Variants in XXYLT1 observed in about 807,000 individuals in gnomAD.
XXYLT1 encodes UDP-xylose:alpha-xyloside alpha-1,3-xylosyltransferase.
In XXYLT1, 20 loss-of-function variants were observed where a neutral mutation model predicts 28.9. The observed-to-expected ratio is 0.69, with a 90% confidence interval of 0.49 to 1.00. The LOEUF (loss-of-function observed/expected upper bound fraction) is 1.00. Among genes scored for constraint, XXYLT1 ranks in the 50% least tolerant of loss-of-function variants. XXYLT1 has a pLI of 0.00. For missense variants in XXYLT1, 542 were observed against 560.1 expected (o/e 0.97, Z 0.33); for synonymous variants, 257 against 253.8 (o/e 1.01, Z -0.12).
intron 3 of XXYLT1, among the ~76,000 whole-genome samples, chr3:195,082,718 G>A (rs1370557766): frequency 3.3e-5 from 5 of 151,958 alleles, no homozygotes; most frequent in African/African-American, 4.8e-5. Context: ...GTGTGGTGGC[G>A]CGTGCCTATA....
At chr3:195,097,351 C>T (rs975800969) in intron 3 of XXYLT1, among the ~76,000 whole-genome samples, 11 of 152,028 alleles carry the variant, frequency 7.2e-5, no homozygotes, top group Non-Finnish European at 8.8e-5. Flanking sequence ...AACTTTGTGA[C>T]GCGGGTTACA....
Position 195,076,440 on chromosome 3 carries a change from C to G in XXYLT1, c.786-6329G>C, listed in dbSNP as rs558560714. 6.6e-6 allele frequency among the ~76,000 whole-genome samples: 1 copy of G among 151,942 alleles called. No homozygotes were observed. Among genetic ancestry groups the G allele is most frequent in the Non-Finnish European group, 1.5e-5 (1 of 67,990 alleles). ...GGCCTTCGGTGGGAGGAGGGACAGTCGTGACAGGGCACTGGGGTGGCTACT... is the reference window on the plus strand; with the variant it reads ...GGCCTTCGGTGGGAGGAGGGACAGTGGTGACAGGGCACTGGGGTGGCTACT... On this transcript the variant is annotated intron_variant, in intron 3 of 3. Coordinates refer to ENST00000310380, the MANE Select transcript of XXYLT1 (RefSeq NM_152531.5). This position sits in a 1 kb window ranked among gnomAD's most constrained non-coding sequence, Gnocchi z 5.3.
intron 3 of XXYLT1, among the ~76,000 whole-genome samples, chr3:195,099,731 T>C (rs1450560976): frequency 6.7e-6 from 1 of 149,894 alleles, no homozygotes; most frequent in African/African-American, 2.5e-5. Flanking sequence ...CTGGGGAGGC[T>C]GAGGCTGCAG....
intron 3 of XXYLT1, among the ~76,000 whole-genome samples, chr3:195,123,630 G>C (rs1212640441): frequency 2.0e-5 from 3 of 152,144 alleles, no homozygotes; most frequent in African/African-American, 7.2e-5. Context: ...AGATGCTTTC[G>C]CCAGCTGATG....
intron 3 of XXYLT1, among the ~76,000 whole-genome samples, chr3:195,110,095 CGT>C (rs1418560297): frequency 3.9e-5 from 1 of 25,572 alleles, no homozygotes; most frequent in African/African-American, 1.1e-4. Flanking sequence ...TATGAGTGTG[CGT>C]GTGTGGTGTA....
Position 195,256,666 on chromosome 3 carries a change from C to G in XXYLT1, c.504+13889G>C. Reference sequence around the variant, plus strand: ...GCCTGGAAGAGAACAGACTGTTACTCAGAGCCGGAGCGTCCCCACTCCTCT... The same window carrying G: ...GCCTGGAAGAGAACAGACTGTTACTGAGAGCCGGAGCGTCCCCACTCCTCT... On this transcript the variant is annotated intron_variant, in intron 1 of 3. Coordinates refer to ENST00000310380, the MANE Select transcript of XXYLT1 (RefSeq NM_152531.5). This position sits in a 1 kb window ranked among gnomAD's most constrained non-coding sequence, Gnocchi z 4.2. The G allele has an allele frequency of 2.4e-6, 2 of 822,522 alleles. No homozygotes were observed. The highest frequency in any genetic ancestry group is 2.9e-6 in the Non-Finnish European group (2 of 681,076). The allele number at this position is 822,522 out of a possible 1,614,324, so 51.0% of individuals were successfully genotyped here. A position where few individuals can be genotyped will look rare whatever the true frequency, so the allele number is the denominator to read the frequency against.
intron 3 of XXYLT1, among the ~76,000 whole-genome samples, chr3:195,120,370 C>T (rs1718295741): frequency 6.6e-6 from 1 of 151,820 alleles, no homozygotes; most frequent in African/African-American, 2.4e-5. Context: ...GGCTCCACCA[C>T]ATCCTGGCTC....
intron 3 of XXYLT1, among the ~76,000 whole-genome samples, chr3:195,145,737 G>A (rs1335496726): frequency 1.3e-5 from 2 of 152,208 alleles, no homozygotes; most frequent in African/African-American, 4.8e-5. Context: ...GTCTACAGAC[G>A]CAAGGACACC....
At chr3:195,084,849 G>A (rs1291520495) in intron 3 of XXYLT1, among the ~76,000 whole-genome samples, 1 of 152,180 alleles carries the variant, frequency 6.6e-6, no homozygotes, top group African/African-American at 2.4e-5. Flanking sequence ...CCACTCTGAT[G>A]GCAGGACCAT....
chr3:195,184,204 T>C (rs558319304), intron 2 of XXYLT1, among the ~76,000 whole-genome samples: 1 of 152,314 alleles, frequency 6.6e-6, no homozygotes, highest in African/African-American at 2.4e-5. Flanking sequence ...GTCGGTCCTT[T>C]TATTAAGAGT....
chr3:195,206,947 C>A (rs1286905795), intron 2 of XXYLT1, among the ~76,000 whole-genome samples: 1 of 152,042 alleles, frequency 6.6e-6, no homozygotes. Context: ...ATGCTCTCCT[C>A]TCTCCTTCTG....
chr3:195,157,097 G>A (rs1398716599), intron 2 of XXYLT1, among the ~76,000 whole-genome samples: 2 of 152,014 alleles, frequency 1.3e-5, no homozygotes, highest in African/African-American at 4.8e-5. Flanking sequence ...ACAAAAATTA[G>A]CTGGGCGTGG....
At chr3:195,080,245 G>A (rs1312443490) in intron 3 of XXYLT1, among the ~76,000 whole-genome samples, 1 of 152,082 alleles carries the variant, frequency 6.6e-6, no homozygotes, top group Non-Finnish European at 1.5e-5. Context: ...GGAAGGAAGG[G>A]GCCCAGATGG....
chr3:195,198,695 C>T (rs563523794), intron 2 of XXYLT1, among the ~76,000 whole-genome samples: 2 of 152,192 alleles, frequency 1.3e-5, no homozygotes, highest in Admixed American at 6.5e-5. Context: ...TTTCAGTGCT[C>T]GTAACTATTA....
intron 3 of XXYLT1, among the ~76,000 whole-genome samples, chr3:195,125,096 A>G (rs772259286): frequency 2.6e-5 from 4 of 152,254 alleles, no homozygotes; most frequent in Non-Finnish European, 5.9e-5. Context: ...TAGAAAAAAG[A>G]GAATGTGTAA....
chr3:195,158,364 G>A (rs779057878), intron 2 of XXYLT1, among the ~76,000 whole-genome samples: 3 of 152,188 alleles, frequency 2.0e-5, no homozygotes, highest in African/African-American at 7.2e-5. Flanking sequence ...AATATGCTGG[G>A]AGGGCGGGGC....
At chr3:195,145,520 C>A (rs1719795600) in intron 3 of XXYLT1, among the ~76,000 whole-genome samples, 1 of 148,276 alleles carries the variant, frequency 6.7e-6, no homozygotes, top group Non-Finnish European at 1.5e-5. Context: ...ACTGATGGGG[C>A]CCTGCGAGCA....
intron 3 of XXYLT1, among the ~76,000 whole-genome samples, chr3:195,072,492 G>A (rs1191991560): frequency 6.6e-6 from 1 of 152,190 alleles, no homozygotes; most frequent in Non-Finnish European, 1.5e-5. Flanking sequence ...GGGGGCCGCA[G>A]GCAGAGAGAA....
intron 1 of XXYLT1, among the ~76,000 whole-genome samples, chr3:195,260,461 G>A (rs1725657316): frequency 6.6e-6 from 1 of 152,210 alleles, no homozygotes; most frequent in Non-Finnish European, 1.5e-5. Context: ...GGGCAGCCTC[G>A]GGCACGGGGC....
Sources: gnomAD v4.1 joint callset for allele counts (sites outside exome capture counted in the v4.1 genomes callset) on GRCh38, gnomAD v4.1.1 for gene constraint, Gnocchi (gnomAD v3.1) non-coding constraint, MANE v1.5 for transcripts, NCBI Gene and HGNC (gene_info 2026-07-23, HGNC 2026-07-21) for gene names.